Variants in CUEDC1 observed in about 807,000 individuals in gnomAD.
CUEDC1 encodes CUE domain-containing protein 1.
Under a neutral mutation model 43.7 loss-of-function variants are expected in CUEDC1, and 30 were observed. That is an observed-to-expected ratio of 0.69 (90% CI 0.51 to 0.93). CUEDC1 has a LOEUF of 0.93. CUEDC1 is among the 40% of genes least tolerant of loss of function. The pLI is 0.00. For synonymous variants in CUEDC1, 223 were observed against 223.6 expected, an observed-to-expected ratio of 1.00 and a Z score of 0.02; for missense variants, 486 against 549.0, an observed-to-expected ratio of 0.89 and a Z score of 1.15.
At chr17:57,887,520 C>T (rs1305154108) in intron 1 of CUEDC1, among the ~76,000 whole-genome samples, 9 of 142,904 alleles carry the variant, frequency 6.3e-5, no homozygotes, top group Non-Finnish European at 1.4e-4. Flanking sequence ...TTTTTTCGGT[C>T]TCACTTTGTC....
chr17:57,907,240 C>T (rs1006177311), intron 1 of CUEDC1, among the ~76,000 whole-genome samples: 1 of 152,076 alleles, frequency 6.6e-6, no homozygotes, highest in Non-Finnish European at 1.5e-5. Flanking sequence ...GAAATCCTTG[C>T]GTTATGATAC....
chr17:57,882,153 G>A (rs150825935), intron 2 of CUEDC1, among the ~76,000 whole-genome samples: 2 of 152,222 alleles, frequency 1.3e-5, no homozygotes, highest in African/African-American at 4.8e-5. Context: ...ATACCCCTCG[G>A]GCCAGCCCAC....
chr17:57,912,653 T>C (rs967959517), intron 1 of CUEDC1, among the ~76,000 whole-genome samples: 1 of 152,026 alleles, frequency 6.6e-6, no homozygotes, highest in African/African-American at 2.4e-5. Flanking sequence ...AAGACACCGT[T>C]TGGAAGAATA....
intron 1 of CUEDC1, among the ~76,000 whole-genome samples, chr17:57,935,804 G>A (rs1416374489): frequency 5.9e-5 from 9 of 152,102 alleles, no homozygotes; most frequent in Non-Finnish European, 4.4e-5. Flanking sequence ...GACCCTACTG[G>A]CACCCCTCTC....
chr17:57,873,295 C>T (rs2074062200), intron 4 of CUEDC1, among the ~76,000 whole-genome samples: 1 of 152,158 alleles, frequency 6.6e-6, no homozygotes, highest in Non-Finnish European at 1.5e-5. Flanking sequence ...AAGGGGGGTG[C>T]TCTGGCCCTC....
intron 1 of CUEDC1, among the ~76,000 whole-genome samples, chr17:57,944,611 TATAATA>T (rs954580011): frequency 6.6e-6 from 1 of 152,192 alleles, no homozygotes; most frequent in African/African-American, 2.4e-5. Flanking sequence ...TGTTGTGGAG[TATAATA>T]ATAGATTAGC....
chr17:57,896,271 A>G (rs1323991271), intron 1 of CUEDC1, among the ~76,000 whole-genome samples: 1 of 152,192 alleles, frequency 6.6e-6, no homozygotes, highest in Non-Finnish European at 1.5e-5. Flanking sequence ...TCCTTGTAAT[A>G]GTCTAACAGC....
At chr17:57,875,159 A>AG (rs2074099575) in intron 3 of CUEDC1, among the ~76,000 whole-genome samples, 1 of 152,244 alleles carries the variant, frequency 6.6e-6, no homozygotes. Flanking sequence ...CTCATCTCTA[A>AG]GGGACTCGCA....
intron 1 of CUEDC1, 35 bp from the exon 2 acceptor site, chr17:57,885,914 T>G: frequency 5.2e-6 from 1 of 194,072 alleles, no homozygotes; most frequent in Non-Finnish European, 1.0e-5. Context: ...GGGCCGAGGC[T>G]AACAAAACAT....
At position 57,869,131 on chromosome 17, in the gene CUEDC1, T is replaced by C. The variant is rs1190382701; in HGVS notation, c.931A>G (p.Met311Val). 2 of 1,613,916 alleles carry C rather than the reference T, an allele frequency of 1.2e-6. No homozygotes were observed. The highest frequency in any genetic ancestry group is 1.7e-6 in the Non-Finnish European group (2 of 1,179,980). The change falls in exon 7 of 11, where the codon ATG becomes GTG. Residue 311 changes from methionine (M) to valine (V), a missense_variant. Physicochemically the swap from Met to Val is conservative, Grantham distance 21. Coordinates refer to ENST00000577830, the MANE Select transcript of CUEDC1 (RefSeq NM_001271875.2). ...DALFRDKLKH[M>V]GKSTRRKLFE... ...CCTGAGTGGGACTCACACTTTCCCA[T>C]GTGTTTCAGCTTGTCCCTGAATAAG...
chr17:57,888,440 C>T (rs1390777149), intron 1 of CUEDC1, among the ~76,000 whole-genome samples: 2 of 152,214 alleles, frequency 1.3e-5, no homozygotes, highest in Non-Finnish European at 2.9e-5. Context: ...ATGAGCAAGT[C>T]AGAGCCCAGA....
intron 1 of CUEDC1, among the ~76,000 whole-genome samples, chr17:57,944,211 T>TA (rs796665232): frequency 0.098 from 11,690 of 119,580 alleles, 465 homozygotes; most frequent in African/African-American, 0.16. Context: ...TATATATATA[T>TA]TTTTTTTTTT....
At chr17:57,922,833 C>T (rs2074710451) in intron 1 of CUEDC1, among the ~76,000 whole-genome samples, 1 of 152,096 alleles carries the variant, frequency 6.6e-6, no homozygotes, top group African/African-American at 2.4e-5. Flanking sequence ...ATCAGTTCTG[C>T]AATCCAGCTG....
Position 57,862,216 on chromosome 17 carries a change from A to AGTGCC in CUEDC1, c.*1068_*1072dup, listed in dbSNP as rs576656113. 5 of 152,548 alleles carry AGTGCC rather than the reference A, an allele frequency of 3.3e-5. No homozygotes were observed. The highest frequency in any genetic ancestry group is 1.2e-4 in the African/African-American group (5 of 41,580). 9.4% of individuals were successfully genotyped at this position (152,548 alleles called of 1,614,324 possible). A position where few individuals can be genotyped will look rare whatever the true frequency, so the allele number is the denominator to read the frequency against. On this transcript the variant is annotated 3_prime_UTR_variant, in exon 11 of 11. Transcript: ENST00000577830. The stretch of plus-strand genomic sequence containing the variant: ...AGCCTCCCTCCCCGTGGCAGTGGTC[A>AGTGCC]GTGCCGTGTAAGCGTTCCTAGAATC...
intron 1 of CUEDC1, among the ~76,000 whole-genome samples, chr17:57,925,789 G>A (rs1310344345): frequency 6.6e-6 from 1 of 152,230 alleles, no homozygotes; most frequent in Non-Finnish European, 1.5e-5. Flanking sequence ...CAAAAGAGAA[G>A]GAGCCACAGC....
chr17:57,936,034 T>C (rs2074858607), intron 1 of CUEDC1, among the ~76,000 whole-genome samples: 1 of 152,210 alleles, frequency 6.6e-6, no homozygotes, highest in Non-Finnish European at 1.5e-5. Flanking sequence ...CTTATTTATG[T>C]CATTCATTAT....
At chr17:57,873,188 C>T (rs981474674) in intron 4 of CUEDC1, among the ~76,000 whole-genome samples, 1 of 152,244 alleles carries the variant, frequency 6.6e-6, no homozygotes, top group African/African-American at 2.4e-5. Flanking sequence ...CCTCTCCCTG[C>T]ACCAGCAGCC....
rs1295623956 is a variant in CUEDC1, at chr17:57,954,741, G to C, written c.-316+484C>G. On this transcript the variant is annotated intron_variant, in intron 1 of 10. Transcript: ENST00000577830. This position sits in a 1 kb window ranked among gnomAD's most constrained non-coding sequence, Gnocchi z 4.3. ...GCTCCCCTCCCCCTGAAAGGCGCTC[G>C]GCTCCCAGCAGGCGCCCCCGCCTGC... Among the ~76,000 whole-genome samples the C allele has an allele frequency of 6.6e-6, 1 of 152,102 alleles. No homozygotes were observed. Among genetic ancestry groups the C allele is most frequent in the Non-Finnish European group, 1.5e-5 (1 of 67,968 alleles).
At chr17:57,948,127 T>G (rs539237678) in intron 1 of CUEDC1, among the ~76,000 whole-genome samples, 7 of 152,320 alleles carry the variant, frequency 4.6e-5, no homozygotes, top group African/African-American at 1.7e-4. Context: ...TATCTGTTAT[T>G]TACTCATTCA....
Sources: gnomAD v4.1 joint callset for allele counts (sites outside exome capture counted in the v4.1 genomes callset) on GRCh38, gnomAD v4.1.1 for gene constraint, Gnocchi (gnomAD v3.1) non-coding constraint, MANE v1.5 for transcripts, NCBI Gene and HGNC (gene_info 2026-07-23, HGNC 2026-07-21) for gene names.